DEGS1: variants seen among roughly 807,000 people sequenced by gnomAD.
The protein encoded by DEGS1 is delta 4-desaturase, sphingolipid 1.
Under a neutral mutation model 24.1 loss-of-function variants are expected in DEGS1, and 17 were observed. That is an observed-to-expected ratio of 0.70 (90% CI 0.48 to 1.06). DEGS1 has a LOEUF of 1.06. Ranked by LOEUF, DEGS1 falls within the 50% of genes least tolerant of loss-of-function variation. DEGS1 has a pLI of 0.00. For missense variants in DEGS1, 366 were observed against 408.9 expected (o/e 0.90, Z 0.91); for synonymous variants, 134 against 140.0 (o/e 0.96, Z 0.30).
rs1241898448 is a variant in DEGS1, at chr1:224,183,290, G to A, written c.-47G>A. On this transcript the variant is annotated 5_prime_UTR_variant, in exon 1 of 3. Transcript: ENST00000323699. ...CGCCGCCGCCACCTCTGAGCAGCCG[G>A]CTGGGAGCGAGAGCCGACAGCTAGT... 1 of 1,456,840 alleles carries A rather than the reference G, an allele frequency of 6.9e-7. No homozygotes were observed. The highest frequency in any genetic ancestry group is 9.1e-7 in the Non-Finnish European group (1 of 1,098,534). 90.2% of individuals were successfully genotyped at this position (1,456,840 alleles called of 1,614,324 possible).
chr1:224,188,832 C>T (rs566806029), intron 1 of DEGS1, among the ~76,000 whole-genome samples: 15 of 152,092 alleles, frequency 9.9e-5, no homozygotes, highest in South Asian at 2.1e-4. Context: ...TGATGCTGTC[C>T]GATTTCTCTG....
intron 1 of DEGS1, chr1:224,183,729 C>T (rs1434514199): frequency 8.0e-6 from 2 of 249,934 alleles, no homozygotes; most frequent in African/African-American, 2.3e-5. Context: ...AGGGTGTCCC[C>T]GGCTGTGCCA....
chr1:224,192,213 A>G, intron 2 of DEGS1, 119 bp from the exon 3 acceptor site: 4 of 696,408 alleles, frequency 5.7e-6, no homozygotes, highest in South Asian at 2.3e-5. Flanking sequence ...TTTAAGAGAG[A>G]GGAGGGAGGC....
At chr1:224,188,287 T>A (rs562711070) in intron 1 of DEGS1, among the ~76,000 whole-genome samples, 28 of 152,118 alleles carry the variant, frequency 1.8e-4, no homozygotes, top group Non-Finnish European at 3.1e-4. Context: ...TAAAATAATA[T>A]ATTTTCAATA....
At chr1:224,187,594 G>A (rs1414253567) in intron 1 of DEGS1, among the ~76,000 whole-genome samples, 1 of 152,078 alleles carries the variant, frequency 6.6e-6, no homozygotes, top group Non-Finnish European at 1.5e-5. Context: ...GCCTCAGGCA[G>A]TCTTTGTGCC....
chr1:224,186,361 A>G (rs1572040833), intron 1 of DEGS1, among the ~76,000 whole-genome samples: 3 of 152,138 alleles, frequency 2.0e-5, no homozygotes, highest in South Asian at 4.1e-4. Flanking sequence ...CCTCACACTG[A>G]GCCTTTTTTC....
chr1:224,188,259 A>G (rs1008185773), intron 1 of DEGS1, among the ~76,000 whole-genome samples: 1 of 152,168 alleles, frequency 6.6e-6, no homozygotes, highest in Non-Finnish European at 1.5e-5. Flanking sequence ...CCCTGTCTCT[A>G]AATATTTTAA....
In DEGS1 at chr1:224,183,261, C is replaced by CCG; in HGVS notation, c.-74_-73dup. On this transcript the variant is annotated 5_prime_UTR_variant, in exon 1 of 3. Transcript: ENST00000323699. ...CGACACCACACCAGCCGGGGAGCCG[C>CCG]CGCCGCCGCCGCCACCTCTGAGCAG... 2.2e-5 allele frequency: 29 copies of CCG among 1,342,612 alleles called. No individual in the cohort carries two copies. The highest frequency in any genetic ancestry group is 2.9e-5 in the Non-Finnish European group (29 of 1,010,778). 83.2% of individuals were successfully genotyped at this position (1,342,612 alleles called of 1,614,324 possible). A position where few individuals can be genotyped will look rare whatever the true frequency, so the allele number is the denominator to read the frequency against.
At chr1:224,189,437 A>G in intron 1 of DEGS1, 140 bp from the exon 2 acceptor site, 12 of 559,356 alleles carry the variant, frequency 2.1e-5, no homozygotes, top group Middle Eastern at 4.8e-4. Context: ...GTTATTAAAT[A>G]TCCACTAAAG....
At chr1:224,188,573 C>T (rs1399696225) in intron 1 of DEGS1, among the ~76,000 whole-genome samples, 1 of 152,180 alleles carries the variant, frequency 6.6e-6, no homozygotes, top group Non-Finnish European at 1.5e-5. Flanking sequence ...TCTATGGTTT[C>T]AGTTTGCACT....
rs1406001155 is a variant in DEGS1, at chr1:224,189,927, C to A, written c.433C>A (p.Pro145Thr). The A allele has an allele frequency of 1.2e-6, 2 of 1,614,134 alleles. No individual in the cohort carries two copies. Among genetic ancestry groups the A allele is most frequent in the Non-Finnish European group, 1.7e-6 (2 of 1,180,012 alleles). ...LGADGVDVDIPTDFEGWFFCT... is the reference protein window; with the variant it reads ...LGADGVDVDITTDFEGWFFCT... Reference sequence around the variant, plus strand: ...AGCTGATGGCGTCGATGTAGATATTCCTACCGATTTTGAGGGCTGGTTCTT... The same window carrying A: ...AGCTGATGGCGTCGATGTAGATATTACTACCGATTTTGAGGGCTGGTTCTT... The change falls in exon 2 of 3, where the codon CCT (proline) becomes ACT (threonine). Residue 145 changes from proline to threonine, a missense_variant. By Grantham distance (38) the Pro-to-Thr change is conservative. Transcript: ENST00000323699.
In DEGS1 at chr1:224,183,330, T is replaced by C; in HGVS notation, c.-7T>C. 2 of 1,480,382 alleles carry C rather than the reference T, an allele frequency of 1.4e-6. No individual in the cohort carries two copies. The highest frequency in any genetic ancestry group is 1.8e-6 in the Non-Finnish European group (2 of 1,113,592). The allele number at this position is 1,480,382 out of a possible 1,614,324, so 91.7% of individuals were successfully genotyped here. On this transcript the variant is annotated 5_prime_UTR_variant, in exon 1 of 3. Transcript: ENST00000323699. ...CGACAGCTAGTCTGCAAGCCACCGC[T>C]GTCGCCATGGGGAGCCGCGTCTCGC...
Position 224,189,711 on chromosome 1 carries a change from G to A in DEGS1, c.217G>A (p.Ala73Thr). The change falls in exon 2 of 3, where the codon GCC becomes ACC. Residue 73 changes from alanine (A) to threonine (T), a missense_variant. Ala to Thr is a moderately conservative substitution (Grantham distance 58). Transcript: ENST00000323699. ...DLDWKWVIFG[A>T]YAFGSCINHS... ...GGACTGGAAATGGGTCATATTTGGG[G>A]CCTATGCGTTTGGCAGTTGCATTAA... 6.2e-7 allele frequency: 1 copy of A among 1,614,158 alleles called. No individual in the cohort carries two copies. Among genetic ancestry groups the A allele is most frequent in the Non-Finnish European group, 8.5e-7 (1 of 1,180,036 alleles).
Position 224,189,896 on chromosome 1 carries a change from C to G in DEGS1, c.402C>G (p.Tyr134Ter). The change falls in exon 2 of 3, where the codon TAC becomes TAG. Residue 134 changes from tyrosine (Y) to a stop codon, truncating the protein, a stop_gained. Coordinates refer to ENST00000323699, the MANE Select transcript of DEGS1 (RefSeq NM_003676.4). LOFTEE classifies it high-confidence loss of function. ...GGTATCACATGGATCATCATCGGTA[C>G]CTTGGAGCTGATGGCGTCGATGTAG... ...FKRYHMDHHR[Y>*]LGADGVDVDI... The G allele has an allele frequency of 6.2e-7, 1 of 1,614,186 alleles. No individual in the cohort carries two copies. The highest frequency in any genetic ancestry group is 8.5e-7 in the Non-Finnish European group (1 of 1,180,042).
In DEGS1 at chr1:224,191,376, C is replaced by T. The variant is rs958445376; in HGVS notation, c.826-956C>T. The stretch of plus-strand genomic sequence containing the variant: ...CTGCACTCCAGCCTGGGTGACAGAG[C>T]GAAACTCCGTCTCAAAAAAAAAAAA... On this transcript the variant is annotated intron_variant, in intron 2 of 2. Coordinates refer to ENST00000323699, the MANE Select transcript of DEGS1 (RefSeq NM_003676.4). 5.4e-5 allele frequency among the ~76,000 whole-genome samples: 8 copies of T among 146,900 alleles called. No individual in the cohort carries two copies. In the East Asian group the frequency reaches 1.0e-3, roughly 19 times the overall value.
chr1:224,189,758 T>A lies in DEGS1; in HGVS notation c.264T>A (p.Ile88=). The change falls in exon 2 of 3, where the codon ATT becomes ATA. Residue 88 remains isoleucine (I), a synonymous_variant. Transcript: ENST00000323699. ...TTAACCACTCAATGACTCTGGCTAT[T>A]CATGAGATTGCCCACAATGCTGCCT... The part of the protein sequence containing the change: ...SCINHSMTLA[I]HEIAHNAAFG... 6.2e-7 allele frequency: 1 copy of A among 1,614,202 alleles called. No homozygotes were observed. Among genetic ancestry groups the A allele is most frequent in the South Asian group, 1.1e-5 (1 of 91,090 alleles).
At chr1:224,189,258 G>A (rs1229998046) in intron 1 of DEGS1, among the ~76,000 whole-genome samples, 3 of 152,048 alleles carry the variant, frequency 2.0e-5, no homozygotes, top group Non-Finnish European at 4.4e-5. Context: ...TAATTTAATC[G>A]TTTTATATAA....
rs150275112 is a variant in DEGS1, at chr1:224,188,193, G to A, written c.83-1384G>A. Among the ~76,000 whole-genome samples, 192 of 152,270 alleles carry A rather than the reference G, an allele frequency of 1.3e-3. 3 individuals are homozygous for A. In the East Asian group the frequency reaches 0.029, roughly 23 times the overall value. ...GGATCACTTGAGTCCAGGAGTTTGA[G>A]GCTGTAGTGAGCTATGATGGCATCA... On this transcript the variant is annotated intron_variant, in intron 1 of 2. Coordinates refer to ENST00000323699, the MANE Select transcript of DEGS1 (RefSeq NM_003676.4).
Position 224,192,561 on chromosome 1 carries a change from G to A in DEGS1, c.*83G>A, listed in dbSNP as rs1658570320. The A allele has an allele frequency of 7.3e-7, 1 of 1,368,050 alleles. No individual in the cohort carries two copies. The highest frequency in any genetic ancestry group is 1.0e-6 in the Non-Finnish European group (1 of 1,000,982). The allele number at this position is 1,368,050 out of a possible 1,614,324, so 84.7% of individuals were successfully genotyped here. On this transcript the variant is annotated 3_prime_UTR_variant, in exon 3 of 3. Transcript: ENST00000323699. ...TTGCATTATTAAACTTGAGACCAGT[G>A]ATGCTCAGAAGCTCCCCTGGCACAA... is the stretch of plus-strand genomic sequence containing the variant.
Sources: allele counts gnomAD v4.1 joint callset (sites outside exome capture counted in the v4.1 genomes callset), GRCh38; gene constraint gnomAD v4.1.1; transcripts MANE v1.5; gene names NCBI Gene and HGNC (gene_info 2026-07-23, HGNC 2026-07-21).